The following CCDC33 variants were observed in gnomAD, a reference collection of about 807,000 sequenced individuals.
The protein encoded by CCDC33 is coiled-coil domain-containing protein 33.
In CCDC33, 94 loss-of-function variants were observed where a neutral mutation model predicts 91.9. The observed-to-expected ratio is 1.02, with a 90% CI of 0.87 to 1.21. The LOEUF (loss-of-function observed/expected upper bound fraction) is 1.21, where lower values mean the gene tolerates loss of function less well. Ranked by LOEUF, CCDC33 falls within the 50% of genes most tolerant of loss-of-function variation. CCDC33 has a pLI of 0.00. For synonymous variants in CCDC33, 396 were observed against 374.5 expected (o/e 1.06, Z -0.66); for missense variants, 940 against 935.5 (o/e 1.00, Z -0.06).
chr15:74,317,758 G>A (rs2060118645), intron 11 of CCDC33, among the ~76,000 whole-genome samples: 1 of 152,166 alleles, frequency 6.6e-6, no homozygotes, highest in Non-Finnish European at 1.5e-5. Context: ...TTCAGCTGGG[G>A]AAAGGCAGGC....
At chr15:74,215,886 A>AAAAAAAAGAAAG (rs1347849570), upstream of CCDC33, among the ~76,000 whole-genome samples, 1 of 113,840 alleles carries the variant, frequency 8.8e-6, no homozygotes, top group African/African-American at 2.9e-5. Flanking sequence ...AAAAAAAAAA[A>AAAAAAAAGAAAG]AAAGAAAGAA....
At chr15:74,331,965 G>A (rs2142886102) in intron 15 of CCDC33, among the ~76,000 whole-genome samples, 1 of 152,332 alleles carries the variant, frequency 6.6e-6, no homozygotes, top group East Asian at 1.9e-4. Flanking sequence ...AGGAGGCAGA[G>A]GTTGCTGTGA....
At chr15:74,240,143 C>G (rs2075301806) in intron 1 of CCDC33, among the ~76,000 whole-genome samples, 1 of 152,280 alleles carries the variant, frequency 6.6e-6, no homozygotes. Flanking sequence ...CAGGAGGCGC[C>G]AGCCTGGCAG....
chr15:74,336,046 A>G lies in CCDC33; in HGVS notation c.2261A>G (p.Gln754Arg), dbSNP rs779516014. The change falls in exon 19 of 19, where the codon CAG (glutamine) becomes CGG (arginine). Residue 754 changes from glutamine to arginine, a missense_variant. By Grantham distance (43) the Gln-to-Arg change is conservative. Coordinates refer to ENST00000398814, the MANE Select transcript of CCDC33 (RefSeq NM_025055.5). ...CAGAAGGAGACCGCTAACTCTCAGC[A>G]GACCTGAGCCCCAGAGCAGGCCTCC... ...SPQKETANSQ[Q>R]T 4 of 1,613,814 alleles carry G rather than the reference A, an allele frequency of 2.5e-6. No homozygotes were observed. The South Asian group carries it at 3.3e-5, about 13-fold the overall frequency.
intron 1 of CCDC33, among the ~76,000 whole-genome samples, chr15:74,217,995 A>G (rs1436217722): frequency 6.6e-6 from 1 of 151,930 alleles, no homozygotes; most frequent in Admixed American, 6.6e-5. Flanking sequence ...AAATGAGGGG[A>G]CCTGGGCCCT....
At chr15:74,223,943 C>G (rs1232090775) in intron 2 of CCDC33, among the ~76,000 whole-genome samples, 1 of 152,206 alleles carries the variant, frequency 6.6e-6, no homozygotes, top group Admixed American at 6.5e-5. Flanking sequence ...CTGCAGGCAG[C>G]TCCCCCTTCT....
intron 2 of CCDC33, among the ~76,000 whole-genome samples, chr15:74,261,304 A>G (rs978088786): frequency 9.2e-5 from 14 of 152,212 alleles, no homozygotes; most frequent in African/African-American, 3.4e-4. Flanking sequence ...ACTTAAGTCT[A>G]AAGGGCAGAG....
At chr15:74,206,056 G>A (rs1005721691) in intron 1 of CCDC33, among the ~76,000 whole-genome samples, 2 of 152,210 alleles carry the variant, frequency 1.3e-5, no homozygotes, top group Non-Finnish European at 2.9e-5. Flanking sequence ...TCCTCTCTGT[G>A]GGTCTCACTG....
chr15:74,323,458 T>A (rs939489104), intron 11 of CCDC33, among the ~76,000 whole-genome samples: 10 of 151,938 alleles, frequency 6.6e-5, no homozygotes, highest in African/African-American at 2.4e-4. Flanking sequence ...GCCACACCCC[T>A]CCTCTCCTGG....
rs753066239 is a variant in CCDC33 at position 74,332,855 on chromosome 15, C to G, written c.1938+10C>G. The G allele has an allele frequency of 6.2e-7, 1 of 1,612,838 alleles. No homozygotes were observed. The highest frequency in any genetic ancestry group is 8.5e-7 in the Non-Finnish European group (1 of 1,179,326). On this transcript the variant is annotated intron_variant, in intron 16 of 18. Transcript: ENST00000398814. ...GCAACAGGCCCTGCCGGTAAGAGGCCCTTGACCTGGGCCTGCCTATGCCGG... is the reference window on the plus strand; with the variant it reads ...GCAACAGGCCCTGCCGGTAAGAGGCGCTTGACCTGGGCCTGCCTATGCCGG...
intron 7 of CCDC33, among the ~76,000 whole-genome samples, chr15:74,273,407 A>G (rs899376852): frequency 6.6e-5 from 10 of 152,248 alleles, no homozygotes; most frequent in Non-Finnish European, 8.8e-5. Context: ...ATTTAACATT[A>G]CCGAACTGTA....
At chr15:74,258,972 T>A (rs1020006560) in intron 2 of CCDC33, among the ~76,000 whole-genome samples, 1 of 152,134 alleles carries the variant, frequency 6.6e-6, no homozygotes, top group African/African-American at 2.4e-5. Context: ...CACACACCCT[T>A]CCAGCAGCCT....
intron 7 of CCDC33, among the ~76,000 whole-genome samples, chr15:74,277,911 G>A (rs962894770): frequency 2.6e-5 from 4 of 152,168 alleles, no homozygotes; most frequent in Admixed American, 2.0e-4. Flanking sequence ...AGGTATGGAC[G>A]GCAGGGGACT....
At chr15:74,290,992 A>T (rs2059573941) in intron 10 of CCDC33, among the ~76,000 whole-genome samples, 1 of 152,216 alleles carries the variant, frequency 6.6e-6, no homozygotes, top group Admixed American at 6.5e-5. Context: ...CCCCAACAGA[A>T]TTTTTAAAAA....
intron 10 of CCDC33, among the ~76,000 whole-genome samples, chr15:74,287,383 A>G (rs1000771925): frequency 2.0e-5 from 3 of 152,100 alleles, no homozygotes; most frequent in African/African-American, 4.8e-5. Context: ...CTGCCCTCCT[A>G]TCCTCTCATT....
In CCDC33 at chr15:74,255,599, C is replaced by T. The variant is rs117238407; in HGVS notation, c.186-6841C>T. ...CCCTGTGGCGTTGGAGGAGTGGGGC[C>T]TAGGGACTAGCCGGGGACTGTGGCA... On this transcript the variant is annotated intron_variant, in intron 2 of 18. Coordinates refer to ENST00000398814, the MANE Select transcript of CCDC33 (RefSeq NM_025055.5). 6.6e-5 allele frequency among the ~76,000 whole-genome samples: 10 copies of T among 152,388 alleles called. No individual in the cohort carries two copies. In the East Asian group the frequency reaches 1.9e-3, roughly 29 times the overall value.
chr15:74,233,190 G>A (rs2075038996), upstream of CCDC33, among the ~76,000 whole-genome samples: 1 of 152,230 alleles, frequency 6.6e-6, no homozygotes, highest in Non-Finnish European at 1.5e-5. Context: ...CTGTGTGTGT[G>A]CTGCTTCTGG....
intron 1 of CCDC33, chr15:74,207,699 G>A (rs1346054788): frequency 1.3e-6 from 2 of 1,535,712 alleles, no homozygotes; most frequent in East Asian, 2.4e-5. Context: ...GTGCCCACCT[G>A]TGCAGCCCAG....
intron 11 of CCDC33, among the ~76,000 whole-genome samples, chr15:74,321,652 C>T (rs961218003): frequency 7.2e-5 from 11 of 152,026 alleles, no homozygotes; most frequent in Non-Finnish European, 1.5e-5. Flanking sequence ...CCGCCCCCCT[C>T]GGCTCCCAAA....
Sources: gnomAD v4.1 joint callset for allele counts (sites outside exome capture counted in the v4.1 genomes callset) on GRCh38, gnomAD v4.1.1 for gene constraint, MANE v1.5 for transcripts, NCBI Gene and HGNC (gene_info 2026-07-23, HGNC 2026-07-21) for gene names.